ARHGEF10L: variants seen among roughly 807,000 people sequenced by gnomAD.
The protein encoded by ARHGEF10L is rho guanine nucleotide exchange factor 10-like protein.
Under a neutral mutation model 141.2 loss-of-function variants are expected in ARHGEF10L, and 69 were observed. The ratio of observed to expected loss-of-function variants is 0.49; its 90% CI spans 0.40 to 0.60. The LOEUF (loss-of-function observed/expected upper bound fraction) is 0.60. Ranked by LOEUF, ARHGEF10L falls within the 20% of genes least tolerant of loss-of-function variation. The pLI is 0.00. For missense variants in ARHGEF10L, 1,482 were observed against 1,734.3 expected (o/e 0.85, Z 2.58); for synonymous variants, 711 against 718.5 (o/e 0.99, Z 0.17).
chr1:17,515,697 C>G, the ARHGEF10L span, among the ~76,000 whole-genome samples: 4 of 151,774 alleles, frequency 2.6e-5, no homozygotes, highest in Admixed American at 6.6e-5. Context: ...AGCTAGGGTA[C>G]AGTGATACAA....
chr1:17,616,469 G>A (rs760323898), intron 9 of ARHGEF10L, among the ~76,000 whole-genome samples: 1 of 152,188 alleles, frequency 6.6e-6, no homozygotes, highest in Non-Finnish European at 1.5e-5. Flanking sequence ...TGTCACGGCC[G>A]TCTTGGCCTC....
At chr1:17,564,220 G>T (rs1025582106) in intron 1 of ARHGEF10L, among the ~76,000 whole-genome samples, 1 of 152,172 alleles carries the variant, frequency 6.6e-6, no homozygotes, top group African/African-American at 2.4e-5. Flanking sequence ...GATGGCCTGG[G>T]TGAATCCCAG....
In ARHGEF10L at chr1:17,658,784, AAG is replaced by A. The variant is rs199826411; in HGVS notation, c.2860+2079_2860+2080del. 7.5e-3 allele frequency among the ~76,000 whole-genome samples: 1,096 copies of A among 145,820 alleles called. 11 individuals carry two copies. The highest frequency in any genetic ancestry group is 0.03 in the African/African-American group (1,062 of 35,730). ...ATGCCGAGGGCTCCGACGGAAAGGA[AAG>A]AGTGTTGTGTGAGAGCCTCACTGCC... On this transcript the variant is annotated intron_variant, in intron 25 of 28. Coordinates refer to ENST00000361221, the MANE Select transcript of ARHGEF10L (RefSeq NM_018125.4).
rs556380686 is a variant in ARHGEF10L, at chr1:17,639,808, A to G, written c.2172-394A>G. 356 of 1,308,278 alleles carry G rather than the reference A, an allele frequency of 2.7e-4. 1 individual carries two copies. Among genetic ancestry groups the G allele is most frequent in the Admixed American group, 4.5e-4 (20 of 44,364 alleles). 81.0% of individuals were successfully genotyped at this position (1,308,278 alleles called of 1,614,324 possible). ...ATGCCAGGTGCTGGGAACAGACCCA[A>G]GTGAGACCCATTCCTCCCTCTAGAG... On this transcript the variant is annotated intron_variant, in intron 20 of 28. Transcript: ENST00000361221. This position sits in a 1 kb window ranked among gnomAD's most constrained non-coding sequence, Gnocchi z 4.3.
intron 26 of ARHGEF10L, among the ~76,000 whole-genome samples, chr1:17,667,128 G>A (rs1395212852): frequency 1.3e-5 from 2 of 152,222 alleles, no homozygotes; most frequent in East Asian, 3.9e-4. Context: ...CAGCCCAGGA[G>A]TATACTGGTG....
rs71575853 is a variant in ARHGEF10L, at chr1:17,637,506, C to CTT, written c.1928-373_1928-372dup. On this transcript the variant is annotated intron_variant, in intron 18 of 28. Transcript: ENST00000361221. ...TGGATGTTACTTTCTGGAACTCTTTCTTTTTTTTTTGGGTTGGAGTCTTGC... is the reference window on the plus strand; with the variant it reads ...TGGATGTTACTTTCTGGAACTCTTTCTTTTTTTTTTTTGGGTTGGAGTCTTGC... Among the ~76,000 whole-genome samples the CTT allele has an allele frequency of 8.3e-3, 1,239 of 149,216 alleles. 18 individuals carry two copies. The highest frequency in any genetic ancestry group is 0.028 in the African/African-American group (1,150 of 40,730).
intron 1 of ARHGEF10L, among the ~76,000 whole-genome samples, chr1:17,572,072 C>T (rs2078024584): frequency 2.0e-5 from 3 of 152,234 alleles, no homozygotes; most frequent in Admixed American, 2.0e-4. Context: ...GGTAATTCCG[C>T]TCAGAAAGGC....
chr1:17,697,010 C>A lies in ARHGEF10L; in HGVS notation c.3470C>A (p.Pro1157His), dbSNP rs1249030087. 6.2e-7 allele frequency: 1 copy of A among 1,609,474 alleles called. No individual in the cohort carries two copies. The highest frequency in any genetic ancestry group is 2.2e-5 in the East Asian group (1 of 44,740). ...KPDGQAHEPM[P>H]DSHVGRELTR... The stretch of plus-strand genomic sequence containing the variant: ...GACGGGCAGGCACACGAGCCCATGC[C>A]CGATAGCCACGTGGGCCGAGAGCTG... Residue 1157 changes from proline to histidine, a missense_variant, in exon 29 of 29, where the codon CCC (proline) becomes CAC (histidine). Pro to His is a moderately conservative substitution (Grantham distance 77, BLOSUM62 -2). Around this residue, in one of 3 missense-constraint regions of ARHGEF10L, gnomAD observed 858 missense variants for 966.3 expected, o/e 0.89. Transcript: ENST00000361221. The surrounding 1 kb of genome is among the most constrained non-coding windows in gnomAD (Gnocchi z 4.8).
At chr1:17,599,014 G>A (rs1179965293) in intron 4 of ARHGEF10L, among the ~76,000 whole-genome samples, 1 of 152,058 alleles carries the variant, frequency 6.6e-6, no homozygotes, top group Non-Finnish European at 1.5e-5. Context: ...TGTAGAATAG[G>A]GGTAACAACA....
In ARHGEF10L at chr1:17,654,966, A is replaced by AG. The variant is rs1207432354; in HGVS notation, c.2481+247dup. Reference sequence around the variant, plus strand: ...GAGTGTGCCTTTTGCAAATGGTGACAGGGCTGAGAAGGAAGTGAAAGGGGG... The same window carrying AG: ...GAGTGTGCCTTTTGCAAATGGTGACAGGGGCTGAGAAGGAAGTGAAAGGGGG... On this transcript the variant is annotated intron_variant, in intron 23 of 28. Coordinates refer to ENST00000361221, the MANE Select transcript of ARHGEF10L (RefSeq NM_018125.4). The surrounding 1 kb of genome is among the most constrained non-coding windows in gnomAD (Gnocchi z 4.3). 1.3e-5 allele frequency among the ~76,000 whole-genome samples: 2 copies of AG among 152,174 alleles called. No individual in the cohort carries two copies. Among genetic ancestry groups the AG allele is most frequent in the African/African-American group, 4.8e-5 (2 of 41,438 alleles).
At chr1:17,606,032 C>T (rs2081141620) in intron 6 of ARHGEF10L, among the ~76,000 whole-genome samples, 1 of 152,192 alleles carries the variant, frequency 6.6e-6, no homozygotes, top group Admixed American at 6.5e-5. Context: ...TCGCACCCCA[C>T]CTTTCCTGTG....
At chr1:17,549,930 T>C (rs1363026550) in intron 1 of ARHGEF10L, among the ~76,000 whole-genome samples, 1 of 152,162 alleles carries the variant, frequency 6.6e-6, no homozygotes, top group South Asian at 2.1e-4. Context: ...CAATAACCCA[T>C]GGTCCAGCAA....
intron 18 of ARHGEF10L, among the ~76,000 whole-genome samples, chr1:17,635,851 T>C (rs1040537627): frequency 6.6e-6 from 1 of 152,140 alleles, no homozygotes; most frequent in Non-Finnish European, 1.5e-5. Flanking sequence ...GCCCGAGGCA[T>C]CTTCTGTGGG....
At position 17,627,389 on chromosome 1, in the gene ARHGEF10L, C is replaced by T. The variant is rs746328338; in HGVS notation, c.1470C>T (p.Leu490=). 2.5e-6 allele frequency: 4 copies of T among 1,613,988 alleles called. No individual in the cohort carries two copies. The African/African-American group carries it at 5.3e-5, about 22-fold the overall frequency. ...ACAGGCTGTCGCTGCAGCTGGCCCTCACAGAGCTGGAGACGCTGGCTGAGA... is the reference window on the plus strand; with the variant it reads ...ACAGGCTGTCGCTGCAGCTGGCCCTTACAGAGCTGGAGACGCTGGCTGAGA... The part of the protein sequence containing the change: ...HPDRLSLQLA[L]TELETLAEKL... Residue 490 remains leucine, a synonymous_variant, in exon 15 of 29, where the codon CTC becomes CTT. Transcript: ENST00000361221. This position sits in a 1 kb window ranked among gnomAD's most constrained non-coding sequence, Gnocchi z 4.0.
chr1:17,530,812 C>T, the ARHGEF10L span, among the ~76,000 whole-genome samples: 89 of 152,056 alleles, frequency 5.9e-4, no homozygotes, highest in African/African-American at 1.6e-3. Flanking sequence ...GTTAGGAGTT[C>T]GAAACCAGCC....
At position 17,539,939 on chromosome 1, in the gene ARHGEF10L, C is replaced by T. The variant is rs960039499; in HGVS notation, c.-55C>T. The T allele has an allele frequency of 2.0e-5, 3 of 151,486 alleles. No homozygotes were observed. Among genetic ancestry groups the T allele is most frequent in the Admixed American group, 2.0e-4 (3 of 15,232 alleles). The allele number at this position is 151,486 out of a possible 1,614,324, so 9.4% of individuals were successfully genotyped here. A position where few individuals can be genotyped will look rare whatever the true frequency, so the allele number is the denominator to read the frequency against. ...GGCGCGGACGACAAAGGCGCGGGCC[C>T]GGGCAGCCGAGGTGGGTGAGTGAGC... On this transcript the variant is annotated 5_prime_UTR_variant, in exon 1 of 29. Coordinates refer to ENST00000361221, the MANE Select transcript of ARHGEF10L (RefSeq NM_018125.4). The surrounding 1 kb of genome is among the most constrained non-coding windows in gnomAD (Gnocchi z 6.0).
At chr1:17,528,899 GC>G in the ARHGEF10L span, among the ~76,000 whole-genome samples, 5 of 152,300 alleles carry the variant, frequency 3.3e-5, no homozygotes, top group African/African-American at 1.2e-4. Flanking sequence ...ACGGTAAAGG[GC>G]TGGCTCAGGT....
In ARHGEF10L at chr1:17,619,711, A is replaced by G. The variant is rs192681478; in HGVS notation, c.942+266A>G. On this transcript the variant is annotated intron_variant, in intron 10 of 28. Coordinates refer to ENST00000361221, the MANE Select transcript of ARHGEF10L (RefSeq NM_018125.4). This position sits in a 1 kb window ranked among gnomAD's most constrained non-coding sequence, Gnocchi z 5.0. Reference sequence around the variant, plus strand: ...TAGAACGCTTGCGTCCCCCAACTCCATGGCATGCAGAGCAGTCCCGTTGGC... The same window carrying G: ...TAGAACGCTTGCGTCCCCCAACTCCGTGGCATGCAGAGCAGTCCCGTTGGC... Among the ~76,000 whole-genome samples the G allele has an allele frequency of 5.3e-5, 8 of 152,262 alleles. No homozygotes were observed. The highest frequency in any genetic ancestry group is 3.4e-3 in the Middle Eastern group (1 of 294).
chr1:17,656,145 C>CT lies in ARHGEF10L; in HGVS notation c.2705+44dup. 6.5e-7 allele frequency: 1 copy of CT among 1,539,876 alleles called. No individual in the cohort carries two copies. Among genetic ancestry groups the CT allele is most frequent in the Non-Finnish European group, 8.8e-7 (1 of 1,140,010 alleles). ...AGGGGTGAGAGCAGCCTCTGCAGGG[C>CT]TGGGCAGTGGGTGGGGGCTGTCCCT... is the stretch of plus-strand genomic sequence containing the variant. On this transcript the variant is annotated intron_variant, in intron 24 of 28. Transcript: ENST00000361221. This position sits in a 1 kb window ranked among gnomAD's most constrained non-coding sequence, Gnocchi z 4.9.
Sources: gnomAD v4.1 joint callset for allele counts (sites outside exome capture counted in the v4.1 genomes callset) on GRCh38, gnomAD v4.1.1 for gene constraint, gnomAD v4.1.1 regional missense constraint, Gnocchi (gnomAD v3.1) non-coding constraint, MANE v1.5 for transcripts, NCBI Gene and HGNC (gene_info 2026-07-23, HGNC 2026-07-21) for gene names.